PIK3C3: variants seen among roughly 807,000 people sequenced by gnomAD.
PIK3C3 encodes the protein phosphatidylinositol 3-kinase catalytic subunit type 3.
PIK3C3 carries 95 observed loss-of-function variants against 126.1 expected under a neutral mutation model. The ratio of observed to expected loss-of-function variants is 0.75; its 90% CI spans 0.64 to 0.89. PIK3C3 has a LOEUF of 0.89. Among genes scored for constraint, PIK3C3 ranks in the 40% least tolerant of loss-of-function variants. The probability of loss-of-function intolerance (pLI) is 0.00; values close to 1 mark genes in which losing one functional copy is unlikely to be tolerated. For synonymous variants in PIK3C3, 374 were observed against 360.0 expected (o/e 1.04, Z -0.44); for missense variants, 829 against 1,063.2 (o/e 0.78, Z 3.06).
chr18:42,054,130 A>G lies in PIK3C3; in HGVS notation c.2264-3753A>G, dbSNP rs77960073. ...TCTAGAGGGACAGAACTAATGGTAT[A>G]TATATATATATATATATATATATAT... On this transcript the variant is annotated intron_variant, in intron 21 of 24. Transcript: ENST00000262039. Among the ~76,000 whole-genome samples, 34 of 8,926 alleles carry G rather than the reference A, an allele frequency of 3.8e-3. 1 individual carries two copies. The highest frequency in any genetic ancestry group is 0.017 in the South Asian group (5 of 286). The allele number at this position is 8,926 out of a possible 152,430, so 5.9% of individuals were successfully genotyped here. A position where few individuals can be genotyped will look rare whatever the true frequency, so the allele number is the denominator to read the frequency against.
At chr18:42,068,654 T>TA (rs1375218559) in intron 24 of PIK3C3, among the ~76,000 whole-genome samples, 1 of 152,080 alleles carries the variant, frequency 6.6e-6, no homozygotes, top group Non-Finnish European at 1.5e-5. Context: ...TTATTATAGA[T>TA]ATTTAGATTC....
intron 22 of PIK3C3, among the ~76,000 whole-genome samples, chr18:42,058,368 T>C (rs1466411387): frequency 1.3e-5 from 2 of 152,188 alleles, no homozygotes; most frequent in Non-Finnish European, 2.9e-5. Flanking sequence ...TAAAGTATAC[T>C]TTGACAGTAC....
At chr18:41,976,324 C>T (rs1232356072) in intron 4 of PIK3C3, among the ~76,000 whole-genome samples, 1 of 151,672 alleles carries the variant, frequency 6.6e-6, no homozygotes, top group Admixed American at 6.6e-5. Flanking sequence ...CCTCTTTCAT[C>T]TTCACCATTG....
chr18:42,059,421 A>T (rs569070), intron 22 of PIK3C3, among the ~76,000 whole-genome samples: 4,059 of 152,300 alleles, frequency 0.027, 179 homozygotes, highest in African/African-American at 0.092. Flanking sequence ...AATTTAAAAT[A>T]GTCAAAGCCC....
At chr18:42,070,480 G>A (rs112104894) in intron 24 of PIK3C3, 12 of 152,106 alleles carry the variant, frequency 7.9e-5, no homozygotes, top group African/African-American at 2.7e-4. Flanking sequence ...AAATAGAAGG[G>A]CCATTTTTCT....
chr18:41,996,014 T>A lies in PIK3C3; in HGVS notation c.891+20T>A, dbSNP rs764073625. 6.6e-7 allele frequency: 1 copy of A among 1,519,922 alleles called. No homozygotes were observed. The highest frequency in any genetic ancestry group is 9.1e-7 in the Non-Finnish European group (1 of 1,097,796). The allele number at this position is 1,519,922 out of a possible 1,614,324, so 94.2% of individuals were successfully genotyped here. ...TTAAATGTAAGAGAATTATGAAATA[T>A]TAATTTAAAAATAGTTAAATGGGTG... is the stretch of plus-strand genomic sequence containing the variant. On this transcript the variant is annotated intron_variant, in intron 8 of 24. Transcript: ENST00000262039.
intron 20 of PIK3C3, among the ~76,000 whole-genome samples, chr18:42,047,425 AAATTT>A (rs1317281550): frequency 6.6e-6 from 1 of 152,168 alleles, no homozygotes; most frequent in Non-Finnish European, 1.5e-5. Flanking sequence ...TAGGAATATC[AAATTT>A]AATATCCCTC....
chr18:42,055,097 A>G (rs1985003860), intron 21 of PIK3C3, among the ~76,000 whole-genome samples: 1 of 152,052 alleles, frequency 6.6e-6, no homozygotes, highest in Non-Finnish European at 1.5e-5. Flanking sequence ...GATAGGATCA[A>G]ATGGGAAGTG....
At chr18:42,034,100 C>T (rs1983944500) in intron 16 of PIK3C3, 143 bp downstream of exon 16, 3 of 485,606 alleles carry the variant, frequency 6.2e-6, no homozygotes, top group Non-Finnish European at 1.0e-5. Context: ...TGAAGGGTAC[C>T]TTTTATTTAT....
intron 15 of PIK3C3, among the ~76,000 whole-genome samples, chr18:42,030,340 C>T (rs1032172659): frequency 6.6e-5 from 10 of 152,208 alleles, no homozygotes; most frequent in Admixed American, 2.0e-4. Flanking sequence ...GAGTTCTTCA[C>T]GTGACATTTT....
At chr18:41,971,589 C>G (rs1159231340) in intron 4 of PIK3C3, 1 of 152,016 alleles carries the variant, frequency 6.6e-6, no homozygotes, top group Non-Finnish European at 1.5e-5. Context: ...GGAAAGGTCT[C>G]AAGCTTTTCA....
intron 1 of PIK3C3, among the ~76,000 whole-genome samples, chr18:41,957,049 G>A (rs1184581812): frequency 6.6e-6 from 1 of 152,178 alleles, no homozygotes. Flanking sequence ...AAAATGGAAA[G>A]AGTAGAATAA....
At chr18:41,955,381 G>A (rs1979713776) in intron 1 of PIK3C3, 22 bp downstream of exon 1, 2 of 1,603,130 alleles carry the variant, frequency 1.2e-6, no homozygotes, top group Admixed American at 3.3e-5. Flanking sequence ...CTCGGGACAG[G>A]GAGTGGGATT....
rs1986250486 is a variant in PIK3C3, at chr18:42,081,523, A to G, written c.*386A>G. On this transcript the variant is annotated 3_prime_UTR_variant, in exon 25 of 25. Transcript: ENST00000262039. ...TCTTATATCTTCATATCAGGACAGC[A>G]GTAACCTGAATTTAGATTGTCACAG... 5.4e-6 allele frequency: 1 copy of G among 184,002 alleles called. No homozygotes were observed. The highest frequency in any genetic ancestry group is 2.3e-5 in the African/African-American group (1 of 42,806). The allele number at this position is 184,002 out of a possible 1,614,324, so 11.4% of individuals were successfully genotyped here.
chr18:42,079,941 T>G (rs1395380917), intron 24 of PIK3C3, among the ~76,000 whole-genome samples: 1 of 132,340 alleles, frequency 7.6e-6, no homozygotes, highest in Non-Finnish European at 1.6e-5. Context: ...TTTCCCCAAC[T>G]TTTGAGTGTG....
chr18:42,057,402 T>C (rs1466390225), intron 21 of PIK3C3, among the ~76,000 whole-genome samples: 1 of 152,156 alleles, frequency 6.6e-6, no homozygotes. Context: ...GCTAAGAATA[T>C]GGTTTTTAAA....
chr18:42,066,624 G>A (rs1052520237), intron 23 of PIK3C3, among the ~76,000 whole-genome samples: 10 of 152,102 alleles, frequency 6.6e-5, no homozygotes, highest in African/African-American at 1.2e-4. Context: ...CGTATCAGTC[G>A]GATGAAATGT....
At chr18:42,044,553 T>C (rs1984475619) in intron 20 of PIK3C3, among the ~76,000 whole-genome samples, 1 of 151,942 alleles carries the variant, frequency 6.6e-6, no homozygotes, top group Non-Finnish European at 1.5e-5. Flanking sequence ...CCTGGGACTG[T>C]AGGAGGTGTG....
At chr18:42,076,537 C>G (rs1986040523) in intron 24 of PIK3C3, among the ~76,000 whole-genome samples, 1 of 152,118 alleles carries the variant, frequency 6.6e-6, no homozygotes, top group Non-Finnish European at 1.5e-5. Context: ...ATTGACCCAC[C>G]TGTGCTCTCT....
Sources: gnomAD v4.1 joint callset for allele counts (sites outside exome capture counted in the v4.1 genomes callset) on GRCh38, gnomAD v4.1.1 for gene constraint, MANE v1.5 for transcripts, NCBI Gene and HGNC (gene_info 2026-07-23, HGNC 2026-07-21) for gene names.